Variants in KDM4C observed in about 807,000 individuals in gnomAD.
KDM4C encodes the protein lysine demethylase 4C, also known as lysine-specific demethylase 4C.
KDM4C carries 81 observed loss-of-function variants against 129.3 expected under a neutral mutation model. The observed-to-expected ratio is 0.63, with a 90% CI of 0.52 to 0.75. The LOEUF is 0.75. Among genes scored for constraint, KDM4C ranks in the 30% least tolerant of loss-of-function variants. The pLI is 0.00. For synonymous variants in KDM4C, 573 were observed against 456.1 expected (o/e 1.26, Z -3.26); for missense variants, 1,457 against 1,304.0 (o/e 1.12, Z -1.81).
chr9:6,824,054 T>C (rs1329931486), intron 4 of KDM4C, among the ~76,000 whole-genome samples: 1 of 152,222 alleles, frequency 6.6e-6, no homozygotes, highest in African/African-American at 2.4e-5. Flanking sequence ...TTCTCTGACC[T>C]AGATTTGTAT....
intron 1 of KDM4C, among the ~76,000 whole-genome samples, chr9:6,769,958 A>G (rs1336337262): frequency 6.6e-6 from 1 of 152,132 alleles, no homozygotes; most frequent in Admixed American, 6.6e-5. Flanking sequence ...AGGCGGGTGG[A>G]TCACCTGAGG....
At chr9:6,800,098 T>C (rs1828649945) in intron 2 of KDM4C, among the ~76,000 whole-genome samples, 1 of 151,824 alleles carries the variant, frequency 6.6e-6, no homozygotes, top group African/African-American at 2.4e-5. Context: ...CCAGGCACAG[T>C]GACTCACGCC....
intron 8 of KDM4C, among the ~76,000 whole-genome samples, chr9:6,900,819 A>G (rs1014501411): frequency 2.6e-5 from 4 of 152,074 alleles, no homozygotes; most frequent in African/African-American, 9.7e-5. Flanking sequence ...CATTTTATCA[A>G]GTGTGTGTGG....
chr9:6,826,563 G>T (rs1833914096), intron 4 of KDM4C, among the ~76,000 whole-genome samples: 1 of 152,090 alleles, frequency 6.6e-6, no homozygotes, highest in Admixed American at 6.6e-5. Flanking sequence ...TCAACAAGAT[G>T]ATTGAAAATT....
chr9:7,161,592 A>T (rs1417582119), intron 19 of KDM4C, among the ~76,000 whole-genome samples: 2 of 152,150 alleles, frequency 1.3e-5, no homozygotes, highest in Admixed American at 6.6e-5. Context: ...GACCCTGAAG[A>T]CCTGCACCCC....
At chr9:6,920,663 C>T (rs889990754) in intron 8 of KDM4C, among the ~76,000 whole-genome samples, 3 of 152,024 alleles carry the variant, frequency 2.0e-5, no homozygotes, top group African/African-American at 7.3e-5. Flanking sequence ...GAGGAAATTA[C>T]CAGGGAGAGT....
At chr9:6,926,829 T>C (rs1822658437) in intron 8 of KDM4C, among the ~76,000 whole-genome samples, 1 of 152,230 alleles carries the variant, frequency 6.6e-6, no homozygotes, top group South Asian at 2.1e-4. Flanking sequence ...GGCTTGTAGT[T>C]CAGCAGTGGA....
chr9:6,890,830 A>T (rs1314982622), intron 7 of KDM4C, among the ~76,000 whole-genome samples: 1 of 152,196 alleles, frequency 6.6e-6, no homozygotes, highest in Non-Finnish European at 1.5e-5. Context: ...ATAATTAATT[A>T]GATTCAGTGA....
intron 8 of KDM4C, among the ~76,000 whole-genome samples, chr9:6,949,248 G>C (rs1306329210): frequency 6.6e-6 from 1 of 151,824 alleles, no homozygotes; most frequent in Non-Finnish European, 1.5e-5. Flanking sequence ...CTCCCAGACG[G>C]GGTTGCGGCC....
intron 1 of KDM4C, among the ~76,000 whole-genome samples, chr9:6,783,974 C>G (rs925131601): frequency 7.9e-5 from 12 of 152,124 alleles, no homozygotes; most frequent in African/African-American, 2.9e-4. Context: ...ACATGACATA[C>G]AGGAAGCCTT....
chr9:6,992,814 A>G (rs1011322053), intron 12 of KDM4C, among the ~76,000 whole-genome samples: 2 of 152,212 alleles, frequency 1.3e-5, no homozygotes, highest in South Asian at 2.1e-4. Context: ...ATATTAGAGC[A>G]TAGGAGAATT....
chr9:7,014,040 G>A, intron 14 of KDM4C, 39 bp downstream of exon 14: 1 of 1,523,282 alleles, frequency 6.6e-7, no homozygotes. Flanking sequence ...TGGCTTTTCA[G>A]CATTTCACAT....
rs200725203 is a variant in KDM4C, at chr9:7,133,216, CT to C, written c.2781+4989del. Among the ~76,000 whole-genome samples, 834 of 151,752 alleles carry C rather than the reference CT, an allele frequency of 5.5e-3. 5 individuals carry two copies. Among genetic ancestry groups the C allele is most frequent in the Non-Finnish European group, 9.1e-3 (616 of 67,880 alleles). ...AGAATATTAACTTTAGTATGTAGAA[CT>C]TTTTTTTTCTTTTTCCTTCCCATCT... On this transcript the variant is annotated intron_variant, in intron 19 of 21. Coordinates refer to ENST00000381309, the MANE Select transcript of KDM4C (RefSeq NM_015061.6).
At chr9:6,858,959 G>A (rs2130394763) in intron 5 of KDM4C, among the ~76,000 whole-genome samples, 1 of 152,086 alleles carries the variant, frequency 6.6e-6, no homozygotes, top group African/African-American at 2.4e-5. Flanking sequence ...TTTGCCCATA[G>A]TATATAGGAA....
chr9:7,087,634 A>G (rs367848391), intron 17 of KDM4C, among the ~76,000 whole-genome samples: 2 of 152,202 alleles, frequency 1.3e-5, no homozygotes, highest in African/African-American at 4.8e-5. Context: ...ATTATCTTAC[A>G]TTCAGTTAAA....
intron 18 of KDM4C, among the ~76,000 whole-genome samples, chr9:7,115,869 C>G (rs569438896): frequency 6.6e-6 from 1 of 152,228 alleles, no homozygotes; most frequent in East Asian, 1.9e-4. Context: ...CTGGGCTCTG[C>G]ACATTTCTCA....
intron 1 of KDM4C, among the ~76,000 whole-genome samples, chr9:6,776,594 C>G (rs1823096992): frequency 6.9e-6 from 1 of 145,352 alleles, no homozygotes; most frequent in South Asian, 2.2e-4. Flanking sequence ...CTGTCTCAAA[C>G]CCACTTTTTT....
chr9:7,024,341 A>G (rs937603541), intron 15 of KDM4C, among the ~76,000 whole-genome samples: 3 of 148,720 alleles, frequency 2.0e-5, no homozygotes, highest in Non-Finnish European at 3.0e-5. Flanking sequence ...AATTTTTAAA[A>G]TTATTATTAT....
intron 5 of KDM4C, among the ~76,000 whole-genome samples, chr9:6,864,096 T>G (rs1841487290): frequency 6.6e-6 from 1 of 152,238 alleles, no homozygotes; most frequent in Admixed American, 6.5e-5. Flanking sequence ...GTTTTGCATC[T>G]TTAAATGTTT....
Sources: allele counts gnomAD v4.1 joint callset (sites outside exome capture counted in the v4.1 genomes callset), GRCh38; gene constraint gnomAD v4.1.1; transcripts MANE v1.5; gene names NCBI Gene and HGNC (gene_info 2026-07-23, HGNC 2026-07-21).